Variants in GALC observed in about 807,000 individuals in gnomAD.
GALC encodes the protein galactosylceramidase, also known as galactocerebrosidase.
GALC carries 77 observed loss-of-function variants against 91.8 expected under a neutral mutation model. The ratio of observed to expected loss-of-function variants is 0.84; its 90% CI spans 0.70 to 1.01. GALC has a LOEUF of 1.01. Among genes scored for constraint, GALC ranks in the 50% least tolerant of loss-of-function variants. GALC has a pLI of 0.00. For missense variants in GALC, 882 were observed against 855.9 expected (o/e 1.03, Z -0.38); for synonymous variants, 357 against 306.7 (o/e 1.16, Z -1.71).
chr14:87,957,188 G>C (rs1424162573), intron 10 of GALC, among the ~76,000 whole-genome samples: 2 of 151,970 alleles, frequency 1.3e-5, no homozygotes, highest in African/African-American at 4.8e-5. Flanking sequence ...ATTTGTAAAT[G>C]TCTTCTCCCA....
In GALC at chr14:87,968,436, C is replaced by T; in HGVS notation, c.807G>A (p.Lys269=). 2 of 1,613,790 alleles carry T rather than the reference C, an allele frequency of 1.2e-6. No individual in the cohort carries two copies. The highest frequency in any genetic ancestry group is 3.3e-4 in the Middle Eastern group (2 of 6,060). Residue 269 remains lysine, a synonymous_variant, in exon 8 of 17, where the codon AAG becomes AAA. Transcript: ENST00000261304. The part of the protein sequence containing the change: ...SAKDAKLTGK[K]LWSSEDFSTL... ...TGCTAAAGTCTTCAGAAGACCAAAG[C>T]TTCTTCCCAGTCAACTTTGCATCTT...
In GALC at chr14:87,979,168, G is replaced by T. The variant is rs539588337; in HGVS notation, c.622-2680C>A. 2.6e-5 allele frequency among the ~76,000 whole-genome samples: 4 copies of T among 152,210 alleles called. No individual in the cohort carries two copies. In the South Asian group the frequency reaches 8.3e-4, roughly 32 times the overall value. ...GCCTCCCAAGTAGATGGGATTACAG[G>T]CGTCTGCCACCATGCCCGGCTAATT... On this transcript the variant is annotated intron_variant, in intron 6 of 16. Coordinates refer to ENST00000261304, the MANE Select transcript of GALC (RefSeq NM_000153.4).
At chr14:87,954,758 T>C (rs1885452258) in intron 10 of GALC, 8 of 1,577,914 alleles carry the variant, frequency 5.1e-6, no homozygotes, top group Non-Finnish European at 6.1e-6. Flanking sequence ...GAGTATTTCT[T>C]TTCTTCTCTT....
chr14:87,956,762 T>C (rs1197731665), intron 10 of GALC, among the ~76,000 whole-genome samples: 2 of 151,830 alleles, frequency 1.3e-5, no homozygotes, highest in African/African-American at 4.8e-5. Context: ...TGACTTCTTT[T>C]CTTTTGGGTA....
chr14:87,947,725 C>T lies in GALC; in HGVS notation c.1489+3G>A, dbSNP rs186664912. ...AAGTTAAGTTTTAGTGAAAAATACT[C>T]ACCAACATTGAAATCATCCTTATAG... On this transcript the variant is annotated splice_donor_region_variant and intron_variant, in intron 13 of 16. Transcript: ENST00000261304. 2.1e-4 allele frequency: 339 copies of T among 1,612,378 alleles called. No individual in the cohort carries two copies. In the African/African-American group the frequency reaches 4.3e-3, roughly 20 times the overall value.
chr14:87,945,627 T>C lies in GALC; in HGVS notation c.1596A>G (p.Gln532=), dbSNP rs1885042548. 6.2e-7 allele frequency: 1 copy of C among 1,610,540 alleles called. No individual in the cohort carries two copies. Among genetic ancestry groups the C allele is most frequent in the Non-Finnish European group, 8.5e-7 (1 of 1,177,002 alleles). The change falls in exon 14 of 17, where the codon CAA becomes CAG. Residue 532 remains glutamine, a synonymous_variant. Transcript: ENST00000261304. ...DPGEHHFTLR[Q]VLNQRPITWA... ...ATGTAATGGGTCTCTGGTTGAGAAC[T>C]TGGCGTAGCGTGAAGTGATGCTCGC...
chr14:87,992,975 C>A lies in GALC; in HGVS notation c.190G>T (p.Gly64Cys). Reference protein sequence around the residue: ...EFDGIGAVSGGGATSRLLVNY... With the variant: ...EFDGIGAVSGCGATSRLLVNY... ...CCCCGCAGCTTGCCGCTCACCCCGCCGCCGCTGACCGCGCCGATGCCGTCG... is the reference window on the plus strand; with the variant it reads ...CCCCGCAGCTTGCCGCTCACCCCGCAGCCGCTGACCGCGCCGATGCCGTCG... The change falls in exon 1 of 17, where the codon GGC (glycine) becomes TGC (cysteine). Residue 64 changes from glycine to cysteine, a missense_variant. Physicochemically the swap from Gly to Cys is radical, Grantham distance 159. Transcript: ENST00000261304. 1 of 1,522,456 alleles carries A rather than the reference C, an allele frequency of 6.6e-7. No homozygotes were observed. Among genetic ancestry groups the A allele is most frequent in the Non-Finnish European group, 8.7e-7 (1 of 1,144,206 alleles). The allele number at this position is 1,522,456 out of a possible 1,614,324, so 94.3% of individuals were successfully genotyped here.
At chr14:87,991,296 G>A (rs1233685539) in intron 1 of GALC, among the ~76,000 whole-genome samples, 3 of 151,978 alleles carry the variant, frequency 2.0e-5, no homozygotes, top group African/African-American at 4.8e-5. Flanking sequence ...TCCGCCTCCC[G>A]GGTTCAAGCG....
chr14:87,958,204 C>G (rs555553548), intron 10 of GALC, among the ~76,000 whole-genome samples: 4 of 152,058 alleles, frequency 2.6e-5, no homozygotes, highest in Admixed American at 6.5e-5. Context: ...GTTCGCAGCA[C>G]GCAGTGTTGT....
intron 10 of GALC, among the ~76,000 whole-genome samples, chr14:87,962,510 T>A (rs780197365): frequency 2.0e-5 from 3 of 151,874 alleles, no homozygotes; most frequent in Middle Eastern, 3.2e-3. Flanking sequence ...TTTGAAAGAA[T>A]TTGTTTTTTA....
chr14:87,942,615 G>C (rs1056638060), intron 14 of GALC, among the ~76,000 whole-genome samples: 9 of 151,916 alleles, frequency 5.9e-5, no homozygotes, highest in Non-Finnish European at 1.2e-4. Flanking sequence ...ACATAAAACT[G>C]GAAACACCAA....
At position 87,957,645 on chromosome 14, in the gene GALC, A is replaced by C. The variant is rs114486353; in HGVS notation, c.1161+5739T>G. Among the ~76,000 whole-genome samples the C allele has an allele frequency of 2.3e-3, 350 of 152,276 alleles. 1 individual carries two copies. Among genetic ancestry groups the C allele is most frequent in the African/African-American group, 8.1e-3 (336 of 41,568 alleles). On this transcript the variant is annotated intron_variant, in intron 10 of 16. Coordinates refer to ENST00000261304, the MANE Select transcript of GALC (RefSeq NM_000153.4). Reference sequence around the variant, plus strand: ...ACTGCTAGATCTGATAAATGAATTCAGTAAAGTTTCAAGTTACAAAATCAA... The same window carrying C: ...ACTGCTAGATCTGATAAATGAATTCCGTAAAGTTTCAAGTTACAAAATCAA...
At chr14:87,959,007 A>G (rs1382471567) in intron 10 of GALC, among the ~76,000 whole-genome samples, 1 of 152,208 alleles carries the variant, frequency 6.6e-6, no homozygotes, top group Non-Finnish European at 1.5e-5. Context: ...ATCAGACTGA[A>G]AAGCTTTTGC....
intron 16 of GALC, among the ~76,000 whole-genome samples, chr14:87,937,886 C>T (rs1884653487): frequency 1.3e-5 from 2 of 150,934 alleles, no homozygotes; most frequent in Admixed American, 6.6e-5. Context: ...ATATAGCATG[C>T]TTTTGTTCCT....
chr14:87,956,961 C>T (rs2139978289), intron 10 of GALC, among the ~76,000 whole-genome samples: 1 of 152,130 alleles, frequency 6.6e-6, no homozygotes, highest in East Asian at 1.9e-4. Context: ...GCCATTCTGG[C>T]TGGAGTAAGG....
intron 11 of GALC, among the ~76,000 whole-genome samples, 179 bp from the exon 12 acceptor site, chr14:87,950,110 T>C (rs919250548): frequency 2.0e-5 from 3 of 151,988 alleles, no homozygotes; most frequent in Non-Finnish European, 4.4e-5. Context: ...TTCAAGCAAA[T>C]ACTTTATTCT....
intron 10 of GALC, 91 bp from the exon 11 acceptor site, chr14:87,950,839 G>C (rs1885276695): frequency 1.3e-6 from 1 of 740,920 alleles, no homozygotes; most frequent in Non-Finnish European, 2.4e-6. Context: ...AAGATTAACA[G>C]AAATTTACAT....
At chr14:87,941,132 T>C (rs1185877937) in intron 15 of GALC, among the ~76,000 whole-genome samples, 1 of 151,934 alleles carries the variant, frequency 6.6e-6, no homozygotes, top group Admixed American at 6.6e-5. Flanking sequence ...GCAAATCCTA[T>C]CCTCACAGCC....
At chr14:87,966,444 A>T (rs774485379) in intron 8 of GALC, among the ~76,000 whole-genome samples, 3 of 116,904 alleles carry the variant, frequency 2.6e-5, no homozygotes, top group Non-Finnish European at 6.3e-5. Flanking sequence ...CTCACAGATT[A>T]AAAAAAACAA....
Sources: gnomAD v4.1 joint callset for allele counts (sites outside exome capture counted in the v4.1 genomes callset) on GRCh38, gnomAD v4.1.1 for gene constraint, MANE v1.5 for transcripts, NCBI Gene and HGNC (gene_info 2026-07-23, HGNC 2026-07-21) for gene names.